Variants in SVIL observed in about 807,000 individuals in gnomAD.
SVIL encodes supervillin.
SVIL carries 101 observed loss-of-function variants against 240.4 expected under a neutral mutation model. That is an observed-to-expected ratio of 0.42 (90% CI 0.36 to 0.50). The LOEUF (loss-of-function observed/expected upper bound fraction) is 0.50. SVIL is among the 20% of genes least tolerant of loss of function. The pLI is 0.01. For synonymous variants in SVIL, 999 were observed against 1,100.0 expected (o/e 0.91, Z 1.82); for missense variants, 2,512 against 2,818.7 (o/e 0.89, Z 2.46).
chr10:29,714,454 A>G (rs1963494159), intron 1 of SVIL, among the ~76,000 whole-genome samples: 1 of 152,228 alleles, frequency 6.6e-6, no homozygotes, highest in African/African-American at 2.4e-5. Flanking sequence ...AGCAATAGAA[A>G]AAAATAGAAA....
chr10:29,695,267 G>T (rs1450825033), intron 1 of SVIL, among the ~76,000 whole-genome samples: 1 of 152,056 alleles, frequency 6.6e-6, no homozygotes, highest in Non-Finnish European at 1.5e-5. Flanking sequence ...TCACCTTGAC[G>T]TCTCCTATGA....
chr10:29,498,028 C>T (rs192844462), intron 18 of SVIL, among the ~76,000 whole-genome samples: 136 of 133,212 alleles, frequency 1.0e-3, no homozygotes, highest in African/African-American at 3.5e-3. Context: ...GTTGCAGTGA[C>T]CTGAGATTGT....
At chr10:29,621,992 T>G (rs935568403) in intron 1 of SVIL, among the ~76,000 whole-genome samples, 2 of 151,920 alleles carry the variant, frequency 1.3e-5, no homozygotes, top group Non-Finnish European at 2.9e-5. Flanking sequence ...GGCTCACGCC[T>G]GTAATCCCAG....
At chr10:29,665,672 T>C (rs936642834) in intron 2 of SVIL, among the ~76,000 whole-genome samples, 2 of 152,192 alleles carry the variant, frequency 1.3e-5, no homozygotes, top group East Asian at 1.9e-4. Context: ...CGGACGCCTG[T>C]AGTCCCAGCT....
chr10:29,534,721 C>A (rs962559000), intron 7 of SVIL, among the ~76,000 whole-genome samples: 2 of 152,238 alleles, frequency 1.3e-5, no homozygotes, highest in African/African-American at 2.4e-5. Context: ...TTGGGCAACT[C>A]ACCTGCCCTT....
rs561252942 is a variant in SVIL at position 29,634,866 on chromosome 10, G to C, written c.-647C>G. 10 of 152,040 alleles carry C rather than the reference G, an allele frequency of 6.6e-5. No homozygotes were observed. The highest frequency in any genetic ancestry group is 6.6e-4 in the Admixed American group (10 of 15,260). The allele number at this position is 152,040 out of a possible 1,614,324, so 9.4% of individuals were successfully genotyped here. On this transcript the variant is annotated 5_prime_UTR_variant, in exon 1 of 38. Transcript: ENST00000355867. ...AAGTTTTTCGTCCCCTAGTGTCCTC[G>C]AGGCTGAACTTCCCCAACCTGGCCT...
intron 33 of SVIL, among the ~76,000 whole-genome samples, chr10:29,466,068 GA>G (rs967130653): frequency 2.6e-5 from 4 of 151,588 alleles, no homozygotes; most frequent in Admixed American, 1.3e-4. Context: ...CATACATAAG[GA>G]AAAAATAAAT....
At chr10:29,624,908 T>A (rs1166733365) in intron 1 of SVIL, among the ~76,000 whole-genome samples, 1 of 152,202 alleles carries the variant, frequency 6.6e-6, no homozygotes, top group Non-Finnish European at 1.5e-5. Context: ...GAAGGACAAA[T>A]GTTGAAATGT....
chr10:29,606,291 C>A (rs575679316), intron 1 of SVIL, among the ~76,000 whole-genome samples: 58 of 151,924 alleles, frequency 3.8e-4, no homozygotes, highest in African/African-American at 1.4e-3. Flanking sequence ...GCAGTCCTCC[C>A]GCCTCAGCCT....
In SVIL at chr10:29,486,459, A is replaced by G; in HGVS notation, c.4584T>C (p.His1528=). The G allele has an allele frequency of 6.2e-7, 1 of 1,614,236 alleles. No individual in the cohort carries two copies. The highest frequency in any genetic ancestry group is 8.5e-7 in the Non-Finnish European group (1 of 1,180,044). The change falls in exon 25 of 38, where the codon CAT becomes CAC. Residue 1528 remains histidine, a synonymous_variant. Coordinates refer to ENST00000355867, the MANE Select transcript of SVIL (RefSeq NM_021738.3). ...TIEEGINTHT[H]AAKDFWKLLG... The stretch of plus-strand genomic sequence containing the variant: ...GAAGCTTCCAGAAGTCTTTGGCTGC[A>G]TGAGTGTGTGTATTAATTCCTTCTT...
intron 6 of SVIL, among the ~76,000 whole-genome samples, chr10:29,546,067 G>A (rs1381894870): frequency 2.0e-5 from 3 of 151,996 alleles, no homozygotes; most frequent in South Asian, 2.1e-4. Context: ...ATATAGATAC[G>A]TGAGATGCAT....
At chr10:29,665,668 C>A (rs903753015) in intron 2 of SVIL, among the ~76,000 whole-genome samples, 7 of 152,114 alleles carry the variant, frequency 4.6e-5, no homozygotes, top group Admixed American at 3.9e-4. Flanking sequence ...GTGGCGGACG[C>A]CTGTAGTCCC....
At chr10:29,469,056 G>A (rs556703579) in intron 32 of SVIL, 1 of 152,296 alleles carries the variant, frequency 6.6e-6, no homozygotes, top group Admixed American at 6.5e-5. Flanking sequence ...GAGATTTATA[G>A]GATAAGTCCT....
intron 2 of SVIL, among the ~76,000 whole-genome samples, chr10:29,567,881 G>A (rs928631169): frequency 3.9e-5 from 6 of 152,058 alleles, no homozygotes; most frequent in Non-Finnish European, 8.8e-5. Context: ...GCTGGGCCTG[G>A]TGGCGGGTGC....
intron 1 of SVIL, among the ~76,000 whole-genome samples, chr10:29,589,641 G>A (rs1245173685): frequency 1.3e-5 from 2 of 152,056 alleles, no homozygotes; most frequent in African/African-American, 2.4e-5. Context: ...AAAAGAAAAC[G>A]AGGTGAGACA....
intron 36 of SVIL, 37 bp from the exon 37 acceptor site, chr10:29,458,626 T>C (rs1201203173): frequency 6.3e-7 from 1 of 1,597,668 alleles, no homozygotes. Context: ...AGAGCTCGTG[T>C]CCTACATTTG....
At chr10:29,529,068 C>T (rs955748378) in intron 12 of SVIL, among the ~76,000 whole-genome samples, 2 of 147,552 alleles carry the variant, frequency 1.4e-5, no homozygotes, top group East Asian at 2.1e-4. Context: ...CCCAACTACT[C>T]GGGAGGTGGA....
At chr10:29,561,764 AC>A (rs1954500290) in intron 3 of SVIL, among the ~76,000 whole-genome samples, 1 of 152,202 alleles carries the variant, frequency 6.6e-6, no homozygotes, top group Non-Finnish European at 1.5e-5. Context: ...ATTTCCAGGT[AC>A]CGTGAACGAT....
Position 29,494,969 on chromosome 10 carries a change from T to C in SVIL, c.3786A>G (p.Glu1262=), listed in dbSNP as rs1352463760. ...DIEARPDMQL[E]SDLKLDRLET... ...CCAGCCTGTCCAACTTCAGGTCCGA[T>C]TCTAACTGCATATCTGGTCTGGCTT... The change falls in exon 20 of 38, where the codon GAA becomes GAG. Residue 1262 remains glutamate, a synonymous_variant. Transcript: ENST00000355867. The C allele has an allele frequency of 1.2e-6, 2 of 1,613,818 alleles. No homozygotes were observed. Among genetic ancestry groups the C allele is most frequent in the African/African-American group, 2.7e-5 (2 of 74,800 alleles).
Sources: gnomAD v4.1 joint callset for allele counts (sites outside exome capture counted in the v4.1 genomes callset) on GRCh38, gnomAD v4.1.1 for gene constraint, MANE v1.5 for transcripts, NCBI Gene and HGNC (gene_info 2026-07-23, HGNC 2026-07-21) for gene names.